Variants in MTOR observed in about 807,000 individuals in gnomAD.
The protein encoded by MTOR is serine/threonine-protein kinase mTOR.
In MTOR, 70 loss-of-function variants were observed where a neutral mutation model predicts 319.8. The observed-to-expected ratio is 0.22, with a 90% CI of 0.18 to 0.27. The LOEUF is 0.27. Among genes scored for constraint, MTOR ranks in the 10% least tolerant of loss-of-function variants. The pLI is 1.00. For missense variants in MTOR, 1,890 were observed against 3,274.4 expected, an observed-to-expected ratio of 0.58 and a Z score of 10.32; for synonymous variants, 1,183 against 1,211.4, an observed-to-expected ratio of 0.98 and a Z score of 0.49.
intron 29 of MTOR, among the ~76,000 whole-genome samples, chr1:11,162,177 G>T (rs962401732): frequency 6.6e-6 from 1 of 152,094 alleles, no homozygotes; most frequent in Admixed American, 6.6e-5. Context: ...TGGAAGAAAG[G>T]GTATCAGTGA....
Position 11,117,045 on chromosome 1 carries a change from C to G in MTOR, c.6975G>C (p.Ala2325=), listed in dbSNP as rs759882877. 1.2e-6 allele frequency: 2 copies of G among 1,613,248 alleles called. No individual in the cohort carries two copies. Among genetic ancestry groups the G allele is most frequent in the Non-Finnish European group, 1.7e-6 (2 of 1,179,892 alleles). Residue 2325 remains alanine, a synonymous_variant, in exon 50 of 58, where the codon GCG becomes GCC. Coordinates refer to ENST00000361445, the MANE Select transcript of MTOR (RefSeq NM_004958.4). ...AAATATACCCAACCATTGACATGAC[C>G]GCTAAAGAACGGGTATAATTGGTTC... ...DRRTNYTRSL[A]VMSMVGYILG... is the part of the protein sequence containing the mutation.
intron 28 of MTOR, among the ~76,000 whole-genome samples, chr1:11,184,114 T>C (rs1194007556): frequency 1.3e-5 from 2 of 152,232 alleles, no homozygotes; most frequent in African/African-American, 4.8e-5. Context: ...CCAAATTTAT[T>C]TTCCTTATCC....
chr1:11,202,916 A>AG (rs1646024673), intron 26 of MTOR, among the ~76,000 whole-genome samples: 1 of 38,330 alleles, frequency 2.6e-5, no homozygotes, highest in South Asian at 1.6e-3. Flanking sequence ...AAACAAAAAC[A>AG]AAAACAAAAA....
chr1:11,238,786 G>A (rs1468216919), intron 11 of MTOR, among the ~76,000 whole-genome samples, 169 bp from the exon 12 acceptor site: 3 of 145,968 alleles, frequency 2.1e-5, no homozygotes, highest in Admixed American at 6.9e-5. Flanking sequence ...TTTTTGAGAC[G>A]GAGTCTTGCT....
At position 11,238,569 on chromosome 1, in the gene MTOR, T is replaced by C; in HGVS notation, c.1835A>G (p.Asn612Ser). Residue 612 changes from asparagine to serine, a missense_variant, in exon 12 of 58, where the codon AAC becomes AGC. Asn to Ser is a conservative substitution (Grantham distance 46). Transcript: ENST00000361445. ...CATGCGGATCTCCTTGTGCTCACTG[T>C]TCAGGAAATGATCCGCACAGTGGCG... Reference protein sequence around the residue: ...FVRHCADHFLNSEHKEIRMEA... With the variant: ...FVRHCADHFLSSEHKEIRMEA... 1 of 1,614,154 alleles carries C rather than the reference T, an allele frequency of 6.2e-7. No individual in the cohort carries two copies. The highest frequency in any genetic ancestry group is 8.5e-7 in the Non-Finnish European group (1 of 1,180,014).
intron 19 of MTOR, among the ~76,000 whole-genome samples, chr1:11,218,187 T>G (rs1321477573): frequency 1.3e-5 from 2 of 152,114 alleles, no homozygotes; most frequent in African/African-American, 2.4e-5. Flanking sequence ...ATCCCAGCAC[T>G]TTGGGAGGCT....
At chr1:11,159,428 A>G (rs1644407086) in intron 29 of MTOR, among the ~76,000 whole-genome samples, 1 of 152,054 alleles carries the variant, frequency 6.6e-6, no homozygotes, top group Non-Finnish European at 1.5e-5. Context: ...GATCACCTGA[A>G]GTTGGGAGTT....
chr1:11,189,090 G>A (rs1448520038), intron 28 of MTOR, among the ~76,000 whole-genome samples: 2 of 152,150 alleles, frequency 1.3e-5, no homozygotes, highest in Non-Finnish European at 2.9e-5. Context: ...GCCAGTGGCT[G>A]GCAGGGGCAT....
At chr1:11,142,914 T>C (rs187201757) in intron 34 of MTOR, among the ~76,000 whole-genome samples, 5 of 152,278 alleles carry the variant, frequency 3.3e-5, no homozygotes, top group Admixed American at 3.3e-4. Context: ...TTTCCACTAC[T>C]ATAATACTGG....
In MTOR at chr1:11,144,742, C is replaced by G. The variant is rs2100506812; in HGVS notation, c.4778G>C (p.Cys1593Ser). ...YSRAYGAMVS[C>S]HMLSELEEVI... The stretch of plus-strand genomic sequence containing the variant: ...CTCCTCCAGCTCGGACAGCATGTGG[C>G]AAGAAACCATGGCCTGATGGAAGCA... Residue 1593 changes from cysteine (C) to serine (S), a missense_variant, in exon 34 of 58, where the codon TGC (cysteine) becomes TCC (serine). Physicochemically the swap from Cys to Ser is moderately radical, Grantham distance 112. This residue lies in a region of MTOR where 276 missense variants were observed against 459.4 expected (regional missense o/e 0.60). Coordinates refer to ENST00000361445, the MANE Select transcript of MTOR (RefSeq NM_004958.4). The G allele has an allele frequency of 1.2e-6, 2 of 1,613,060 alleles. No individual in the cohort carries two copies. Among genetic ancestry groups the G allele is most frequent in the Non-Finnish European group, 1.7e-6 (2 of 1,179,994 alleles).
rs192096019 is a variant in MTOR at position 11,122,608 on chromosome 1, C to T, written c.6663-482G>A. Among the ~76,000 whole-genome samples the T allele has an allele frequency of 2.2e-3, 326 of 148,410 alleles. 3 individuals carry two copies. Among genetic ancestry groups the T allele is most frequent in the Non-Finnish European group, 3.8e-3 (257 of 67,150 alleles). On this transcript the variant is annotated intron_variant, in intron 47 of 57. Coordinates refer to ENST00000361445, the MANE Select transcript of MTOR (RefSeq NM_004958.4). Reference sequence around the variant, plus strand: ...CTGCAACCTCTGCCTCCTGGGTTCACGCGATTCTCCTGCGTCAGCCTCCCG... The same window carrying T: ...CTGCAACCTCTGCCTCCTGGGTTCATGCGATTCTCCTGCGTCAGCCTCCCG...
At position 11,129,962 on chromosome 1, in the gene MTOR, C is replaced by A; in HGVS notation, c.5614-124G>T. The stretch of plus-strand genomic sequence containing the variant: ...GTTATAACAATTAAATCGGTTAATG[C>A]ATGAAAAATCTTTAATCATTACCTG... On this transcript the variant is annotated intron_variant, in intron 39 of 57. Coordinates refer to ENST00000361445, the MANE Select transcript of MTOR (RefSeq NM_004958.4). This position sits in a 1 kb window ranked among gnomAD's most constrained non-coding sequence, Gnocchi z 4.7. The A allele has an allele frequency of 1.3e-6, 1 of 746,222 alleles. No homozygotes were observed. Among genetic ancestry groups the A allele is most frequent in the Non-Finnish European group, 2.3e-6 (1 of 443,626 alleles). 46.2% of individuals were successfully genotyped at this position (746,222 alleles called of 1,614,324 possible).
chr1:11,232,603 G>A lies in MTOR; in HGVS notation c.2422-75C>T, dbSNP rs147595762. ...AGAAAGTATTTTGGAGGCCGGGCAC[G>A]GTGGCTCATGCCTGTAATCCCAGCA... is the stretch of plus-strand genomic sequence containing the variant. On this transcript the variant is annotated intron_variant, in intron 15 of 57. Coordinates refer to ENST00000361445, the MANE Select transcript of MTOR (RefSeq NM_004958.4). 1.1e-3 allele frequency: 1,455 copies of A among 1,279,556 alleles called. 11 individuals carry two copies. In the African/African-American group the frequency reaches 0.016, roughly 14 times the overall value. The allele number at this position is 1,279,556 out of a possible 1,614,324, so 79.3% of individuals were successfully genotyped here.
In MTOR at chr1:11,109,461, G is replaced by A. The variant is rs1172435520; in HGVS notation, c.7448-91C>T. 6 of 1,321,590 alleles carry A rather than the reference G, an allele frequency of 4.5e-6. No homozygotes were observed. The highest frequency in any genetic ancestry group is 6.5e-6 in the Non-Finnish European group (6 of 927,028). 81.9% of individuals were successfully genotyped at this position (1,321,590 alleles called of 1,614,324 possible). A position where few individuals can be genotyped will look rare whatever the true frequency, so the allele number is the denominator to read the frequency against. On this transcript the variant is annotated intron_variant, in intron 55 of 57. Transcript: ENST00000361445. The surrounding 1 kb of genome is among the most constrained non-coding windows in gnomAD (Gnocchi z 4.0). ...CTGTTTTTCTCAAATATTCACTTTT[G>A]TAAGTGTTAAGCAATCCTTCCTCTA...
intron 28 of MTOR, among the ~76,000 whole-genome samples, chr1:11,197,452 G>A (rs1645824588): frequency 6.6e-6 from 1 of 152,202 alleles, no homozygotes; most frequent in African/African-American, 2.4e-5. Context: ...CAGAAGGGAG[G>A]CAGAAATGCA....
At chr1:11,197,419 G>A (rs1645823409) in intron 28 of MTOR, among the ~76,000 whole-genome samples, 1 of 152,180 alleles carries the variant, frequency 6.6e-6, no homozygotes, top group Admixed American at 6.5e-5. Flanking sequence ...AAAGAAAGGT[G>A]ATGGGAAGAC....
intron 6 of MTOR, among the ~76,000 whole-genome samples, chr1:11,248,704 T>C (rs1649177982): frequency 2.0e-5 from 3 of 151,968 alleles, no homozygotes; most frequent in Non-Finnish European, 4.4e-5. Flanking sequence ...TCCTGGCTAC[T>C]TGGGGGCTGA....
At chr1:11,172,762 G>A (rs1371957784) in intron 28 of MTOR, among the ~76,000 whole-genome samples, 3 of 151,080 alleles carry the variant, frequency 2.0e-5, no homozygotes, top group Non-Finnish European at 4.4e-5. Context: ...GCAGCTACTC[G>A]GGAGGCTGAG....
At chr1:11,260,338 T>C (rs1351097392) in intron 1 of MTOR, among the ~76,000 whole-genome samples, 1 of 151,982 alleles carries the variant, frequency 6.6e-6, no homozygotes, top group Non-Finnish European at 1.5e-5. Context: ...AGGTCAGGAG[T>C]TTGAGACCAG....
Sources: gnomAD v4.1 joint callset for allele counts (sites outside exome capture counted in the v4.1 genomes callset) on GRCh38, gnomAD v4.1.1 for gene constraint, gnomAD v4.1.1 regional missense constraint, Gnocchi (gnomAD v3.1) non-coding constraint, MANE v1.5 for transcripts, NCBI Gene and HGNC (gene_info 2026-07-23, HGNC 2026-07-21) for gene names.